The following NID1 variants were observed in gnomAD, a reference collection of about 807,000 sequenced individuals.
The protein encoded by NID1 is nidogen-1.
A neutral mutation model predicts 130.6 loss-of-function variants in NID1; 76 were observed. That is an observed-to-expected ratio of 0.58 (90% CI 0.48 to 0.70). NID1 has a LOEUF of 0.70. Ranked by LOEUF, NID1 falls within the 30% of genes least tolerant of loss-of-function variation. The pLI, the probability that NID1 is intolerant of heterozygous loss-of-function variation, is 0.00. For missense variants in NID1, 1,517 were observed against 1,664.8 expected (o/e 0.91, Z 1.54); for synonymous variants, 665 against 675.1 (o/e 0.98, Z 0.23).
intron 14 of NID1, among the ~76,000 whole-genome samples, chr1:235,987,317 G>T (rs929175421): frequency 6.6e-6 from 1 of 152,166 alleles, no homozygotes; most frequent in African/African-American, 2.4e-5. Context: ...CAAGCCATCT[G>T]CCCATAGGTT....
chr1:236,063,468 T>C (rs1270107698), intron 1 of NID1, among the ~76,000 whole-genome samples: 3 of 114,380 alleles, frequency 2.6e-5, no homozygotes, highest in South Asian at 3.6e-4. Flanking sequence ...AGAGACTCTG[T>C]CTCAAAAAAA....
intron 13 of NID1, 124 bp from the exon 14 acceptor site, chr1:235,991,182 C>T (rs1297360987): frequency 2.7e-6 from 2 of 744,490 alleles, no homozygotes; most frequent in East Asian, 3.0e-5. Flanking sequence ...CATCAGGTCA[C>T]ATCACCTTCA....
intron 12 of NID1, among the ~76,000 whole-genome samples, chr1:236,011,708 C>T (rs1328353081): frequency 2.0e-5 from 3 of 152,258 alleles, no homozygotes; most frequent in African/African-American, 7.2e-5. Context: ...CTCACCTTCT[C>T]TCCCAGGGCC....
At chr1:236,043,569 A>T (rs571079260) in intron 3 of NID1, among the ~76,000 whole-genome samples, 2 of 152,060 alleles carry the variant, frequency 1.3e-5, no homozygotes, top group Admixed American at 6.6e-5. Context: ...GGGGCTGAGG[A>T]GGGCAGATCA....
chr1:235,998,227 A>G (rs1657981748), intron 12 of NID1, among the ~76,000 whole-genome samples: 1 of 152,218 alleles, frequency 6.6e-6, no homozygotes, highest in African/African-American at 2.4e-5. Flanking sequence ...GGTGAGAAGC[A>G]GTTAGCATGC....
intron 12 of NID1, among the ~76,000 whole-genome samples, chr1:236,011,545 C>T (rs1346664784): frequency 2.0e-5 from 3 of 152,232 alleles, no homozygotes; most frequent in East Asian, 3.9e-4. Flanking sequence ...TCAAGTGATC[C>T]ACCCACCTCG....
chr1:236,028,292 A>G (rs56029286), intron 7 of NID1, among the ~76,000 whole-genome samples: 3,954 of 152,284 alleles, frequency 0.026, 186 homozygotes, highest in African/African-American at 0.089. Context: ...TATGATTGCA[A>G]TTTTATTTAA....
At chr1:236,015,228 A>G (rs1658553031) in intron 10 of NID1, among the ~76,000 whole-genome samples, 2 of 152,200 alleles carry the variant, frequency 1.3e-5, no homozygotes, top group Non-Finnish European at 2.9e-5. Context: ...TGACCACTCA[A>G]TTACTCAGTG....
At position 236,024,225 on chromosome 1, in the gene NID1, G is replaced by T. The variant is rs187613510; in HGVS notation, c.1985-12C>A. On this transcript the variant is annotated splice_polypyrimidine_tract_variant and intron_variant, in intron 8 of 19. Transcript: ENST00000264187. ...ATCAGGGGAGCCTTCTGTGAAGACAGAGACATTGGAACCAAGTGAGTCTTC... is the reference window on the plus strand; with the variant it reads ...ATCAGGGGAGCCTTCTGTGAAGACATAGACATTGGAACCAAGTGAGTCTTC... 6.4e-5 allele frequency: 103 copies of T among 1,614,002 alleles called. No individual in the cohort carries two copies. The highest frequency in any genetic ancestry group is 1.4e-5 in the Non-Finnish European group (16 of 1,179,954).
chr1:236,029,592 G>A lies in NID1; in HGVS notation c.1696C>T (p.His566Tyr), dbSNP rs750309218. ...VPQIPFGSSVHIEPYTELYHY... is the reference protein window; with the variant it reads ...VPQIPFGSSVYIEPYTELYHY... ...TACAGCTCCGTGTAGGGCTCAATGT[G>A]CACGGAGGAGCCGAACGGAATCTGC... The change falls in exon 7 of 20, where the codon CAC becomes TAC. Residue 566 changes from histidine (H) to tyrosine (Y), a missense_variant. His to Tyr is a moderately conservative substitution (Grantham distance 83). Transcript: ENST00000264187. 1 of 1,585,238 alleles carries A rather than the reference G, an allele frequency of 6.3e-7. No homozygotes were observed. The highest frequency in any genetic ancestry group is 1.1e-5 in the South Asian group (1 of 87,428).
At position 236,013,544 on chromosome 1, in the gene NID1, G is replaced by A. The variant is rs771815196; in HGVS notation, c.2271C>T (p.Arg757=). 4 of 1,614,022 alleles carry A rather than the reference G, an allele frequency of 2.5e-6. No homozygotes were observed. In the African/African-American group the frequency reaches 5.3e-5, roughly 22 times the overall value. Residue 757 remains arginine, a synonymous_variant, in exon 11 of 20, where the codon CGC becomes CGT. Coordinates refer to ENST00000264187, the MANE Select transcript of NID1 (RefSeq NM_002508.3). ...EGTCVAVVDQ[R]PINYCETGLH... Reference sequence around the variant, plus strand: ...GGCCAGTTTCACAGTAGTTGATGGGGCGCTGGTCCACGACAGCTTCAGAAC... The same window carrying A: ...GGCCAGTTTCACAGTAGTTGATGGGACGCTGGTCCACGACAGCTTCAGAAC...
chr1:235,999,984 C>T (rs1055502303), intron 12 of NID1, among the ~76,000 whole-genome samples: 6 of 152,070 alleles, frequency 3.9e-5, no homozygotes, highest in Non-Finnish European at 7.4e-5. Flanking sequence ...GAGGCTGAGG[C>T]GGGTGGATCA....
At chr1:236,030,454 T>C (rs1659064891) in intron 6 of NID1, among the ~76,000 whole-genome samples, 3 of 152,148 alleles carry the variant, frequency 2.0e-5, no homozygotes, top group African/African-American at 7.2e-5. Flanking sequence ...GGTCTTTACA[T>C]TTTTTAATGG....
At chr1:236,012,558 CAAA>C (rs56183830) in intron 11 of NID1, among the ~76,000 whole-genome samples, 2 of 98,080 alleles carry the variant, frequency 2.0e-5, no homozygotes, top group African/African-American at 3.9e-5. Context: ...AATGCCATCT[CAAA>C]AAAAAAAAAA....
intron 1 of NID1, among the ~76,000 whole-genome samples, chr1:236,062,882 G>T (rs116512877): frequency 0.037 from 5,612 of 151,778 alleles, 323 homozygotes; most frequent in African/African-American, 0.13. Context: ...TAGGCCAGGC[G>T]TGGTGGCCCA....
At position 236,057,757 on chromosome 1, in the gene NID1, G is replaced by GA. The variant is rs542115402; in HGVS notation, c.225+7097dup. On this transcript the variant is annotated intron_variant, in intron 1 of 19. Transcript: ENST00000264187. The stretch of plus-strand genomic sequence containing the variant: ...AAAAAGAGAGAGAGAGAAAGGAAAG[G>GA]AAAAAAAAGAAAAGAAAAGAAAAAA... Among the ~76,000 whole-genome samples the GA allele has an allele frequency of 2.2e-3, 335 of 149,202 alleles. 1 individual carries two copies. Among genetic ancestry groups the GA allele is most frequent in the Non-Finnish European group, 3.8e-3 (253 of 67,318 alleles).
intron 8 of NID1, among the ~76,000 whole-genome samples, chr1:236,025,309 T>G (rs1026018543): frequency 2.7e-5 from 4 of 148,796 alleles, no homozygotes; most frequent in Non-Finnish European, 5.9e-5. Context: ...TCGCCCAGGC[T>G]GGAGTGCAGT....
At chr1:236,063,490 A>AAAT (rs1660102984) in intron 1 of NID1, among the ~76,000 whole-genome samples, 4 of 144,162 alleles carry the variant, frequency 2.8e-5, no homozygotes, top group African/African-American at 1.1e-4. Flanking sequence ...AAATAAATAA[A>AAAT]TAAATAAATA....
At chr1:235,981,427 C>T (rs1444890684) in intron 16 of NID1, among the ~76,000 whole-genome samples, 184 bp downstream of exon 16, 1 of 152,226 alleles carries the variant, frequency 6.6e-6, no homozygotes, top group African/African-American at 2.4e-5. Flanking sequence ...ATCAAGTCCA[C>T]ACTGTAATAC....
Sources: allele counts gnomAD v4.1 joint callset (sites outside exome capture counted in the v4.1 genomes callset), GRCh38; gene constraint gnomAD v4.1.1; transcripts MANE v1.5; gene names NCBI Gene and HGNC (gene_info 2026-07-23, HGNC 2026-07-21).